The following NXPE4 variants were observed in gnomAD, a reference collection of about 807,000 sequenced individuals.
The protein encoded by NXPE4 is neurexophilin and PC-esterase domain family member 4.
A neutral mutation model predicts 33.3 loss-of-function variants in NXPE4; 42 were observed. The ratio of observed to expected loss-of-function variants is 1.26; its 90% CI spans 0.98 to 1.63. The LOEUF is 1.63. NXPE4 is among the 40% of genes most tolerant of loss of function. The pLI, the probability that NXPE4 is intolerant of heterozygous loss-of-function variation, is 0.00. For missense variants in NXPE4, 709 were observed against 647.6 expected, an observed-to-expected ratio of 1.09 and a Z score of -1.03; for synonymous variants, 253 against 234.9, an observed-to-expected ratio of 1.08 and a Z score of -0.71.
the NXPE4 span, among the ~76,000 whole-genome samples, chr11:114,639,584 G>A: frequency 6.7e-6 from 1 of 150,102 alleles, no homozygotes; most frequent in Admixed American, 6.8e-5. Flanking sequence ...GCTGTAGACT[G>A]GAGCTGTTCC....
At position 114,581,746 on chromosome 11, in the gene NXPE4, T is replaced by C. The variant is rs1949151343; in HGVS notation, c.871A>G (p.Ile291Val). 4 of 1,612,008 alleles carry C rather than the reference T, an allele frequency of 2.5e-6. No individual in the cohort carries two copies. The highest frequency in any genetic ancestry group is 1.3e-5 in the African/African-American group (1 of 74,852). ...GVEIMEKFNT[I>V]SVSKCNKETV... is the part of the protein sequence containing the mutation. ...TTACTGTTGCATTTGGAGACACTAA[T>C]TGTATTGAATTTTTCCATAATCTCT... Residue 291 changes from isoleucine to valine, a missense_variant, in exon 4 of 6, where the codon ATT becomes GTT. By Grantham distance (29) the Ile-to-Val change is conservative (BLOSUM62 3). Coordinates refer to ENST00000375478, the MANE Select transcript of NXPE4 (RefSeq NM_001077639.2).
chr11:114,576,812 T>C (rs1011417113), intron 5 of NXPE4, among the ~76,000 whole-genome samples: 5 of 151,734 alleles, frequency 3.3e-5, no homozygotes, highest in African/African-American at 4.8e-5. Flanking sequence ...AGATCTACCA[T>C]TTGATCCAGC....
chr11:114,619,895 T>C, the NXPE4 span, among the ~76,000 whole-genome samples: 1 of 149,606 alleles, frequency 6.7e-6, no homozygotes, highest in African/African-American at 2.5e-5. Flanking sequence ...AGAATTCTTA[T>C]CCTGTGGAAA....
the NXPE4 span, among the ~76,000 whole-genome samples, chr11:114,605,412 A>G: frequency 2.0e-5 from 3 of 151,952 alleles, no homozygotes; most frequent in Non-Finnish European, 4.4e-5. Context: ...CTGGTGGATA[A>G]TAAGTATTGC....
At chr11:114,627,312 G>T in the NXPE4 span, among the ~76,000 whole-genome samples, 1 of 152,124 alleles carries the variant, frequency 6.6e-6, no homozygotes, top group Non-Finnish European at 1.5e-5. Context: ...CAGACTAACA[G>T]CAGATCTCTT....
chr11:114,598,417 T>C (rs940423143), upstream of NXPE4, among the ~76,000 whole-genome samples: 1 of 152,234 alleles, frequency 6.6e-6, no homozygotes, highest in Non-Finnish European at 1.5e-5. Context: ...GTGGGGACTC[T>C]GTGTGGGGGC....
chr11:114,582,880 C>G lies in NXPE4; in HGVS notation c.238G>C (p.Asp80His). 1 of 1,614,132 alleles carries G rather than the reference C, an allele frequency of 6.2e-7. No individual in the cohort carries two copies. The highest frequency in any genetic ancestry group is 8.5e-7 in the Non-Finnish European group (1 of 1,179,988). ...AAAGGTCTGGGTGGGATCTGCTGATCTAGTTTCTCTATGATTTCCTTTATT... is the reference window on the plus strand; with the variant it reads ...AAAGGTCTGGGTGGGATCTGCTGATGTAGTTTCTCTATGATTTCCTTTATT... ...LRIKEIIEKL[D>H]QQIPPRPFTH... The change falls in exon 3 of 6, where the codon GAT (aspartate) becomes CAT (histidine). Residue 80 changes from aspartate to histidine, a missense_variant. Transcript: ENST00000375478.
Position 114,574,939 on chromosome 11 carries a change from C to G in NXPE4, c.1100-3466G>C, listed in dbSNP as rs183092394. Among the ~76,000 whole-genome samples the G allele has an allele frequency of 4.2e-4, 64 of 152,146 alleles. 1 individual carries two copies. The highest frequency in any genetic ancestry group is 7.4e-4 in the Non-Finnish European group (50 of 67,962). ...CCTTATGAACATAGATGCTAAAATC[C>G]TCACCAAAATACTAGCTAACCAAAT... is the stretch of plus-strand genomic sequence containing the variant. On this transcript the variant is annotated intron_variant, in intron 5 of 5. Coordinates refer to ENST00000375478, the MANE Select transcript of NXPE4 (RefSeq NM_001077639.2).
chr11:114,670,054 C>T, the NXPE4 span, among the ~76,000 whole-genome samples: 6 of 151,980 alleles, frequency 3.9e-5, no homozygotes, highest in African/African-American at 1.2e-4. Context: ...AGGTAGAGCC[C>T]TATAGAATTA....
At chr11:114,572,440 G>A (rs1275321314) in intron 5 of NXPE4, among the ~76,000 whole-genome samples, 1 of 152,122 alleles carries the variant, frequency 6.6e-6, no homozygotes, top group African/African-American at 2.4e-5. Context: ...CCAGAGAAAG[G>A]TGAAGTCCAA....
chr11:114,586,969 C>A (rs772100588), intron 2 of NXPE4, among the ~76,000 whole-genome samples: 23 of 152,148 alleles, frequency 1.5e-4, no homozygotes, highest in Non-Finnish European at 3.2e-4. Context: ...CCCCACACCC[C>A]CTGTGAACAT....
rs995153164 is a variant in NXPE4, at chr11:114,571,364, T to C, written c.1209A>G (p.Ile403Met). The change falls in exon 6 of 6, where the codon ATA (isoleucine) becomes ATG (methionine). Residue 403 changes from isoleucine (I) to methionine (M), a missense_variant. Ile to Met is a conservative substitution (Grantham distance 10). Transcript: ENST00000375478. ...IQWQKYCYPL[I>M]GSMTYSVKEM... ...CTTTGACTGAATAGGTCATTGATCCTATCAAGGGATAACAATATTTTTGCC... is the reference window on the plus strand; with the variant it reads ...CTTTGACTGAATAGGTCATTGATCCCATCAAGGGATAACAATATTTTTGCC... The C allele has an allele frequency of 6.2e-7, 1 of 1,614,046 alleles. No homozygotes were observed. Among genetic ancestry groups the C allele is most frequent in the Admixed American group, 1.7e-5 (1 of 60,010 alleles).
the NXPE4 span, among the ~76,000 whole-genome samples, chr11:114,636,031 G>A: frequency 2.0e-5 from 3 of 151,940 alleles, no homozygotes; most frequent in African/African-American, 7.3e-5. Flanking sequence ...AATAGTTTCA[G>A]AAGGAACGGT....
At chr11:114,589,802 G>T (rs1949400930) in intron 2 of NXPE4, among the ~76,000 whole-genome samples, 1 of 152,008 alleles carries the variant, frequency 6.6e-6, no homozygotes, top group African/African-American at 2.4e-5. Flanking sequence ...AAGATGCAGG[G>T]CCTCCTTAAA....
At chr11:114,588,409 G>T (rs1226967034) in intron 2 of NXPE4, among the ~76,000 whole-genome samples, 1 of 152,222 alleles carries the variant, frequency 6.6e-6, no homozygotes, top group East Asian at 1.9e-4. Context: ...TTTAACTCAG[G>T]TGTCTAACCT....
the NXPE4 span, among the ~76,000 whole-genome samples, chr11:114,647,202 C>T: frequency 4.6e-5 from 7 of 152,302 alleles, no homozygotes; most frequent in African/African-American, 1.7e-4. Context: ...TATTATTCAC[C>T]TTCTACATTC....
At chr11:114,629,181 C>T in the NXPE4 span, among the ~76,000 whole-genome samples, 192 of 152,164 alleles carry the variant, frequency 1.3e-3, 2 homozygotes, top group African/African-American at 4.4e-3. Context: ...ATGAGGCCAG[C>T]ATCATTCTGA....
chr11:114,596,116 C>G (rs951266352), upstream of NXPE4, among the ~76,000 whole-genome samples: 1 of 152,180 alleles, frequency 6.6e-6, no homozygotes, highest in Non-Finnish European at 1.5e-5. Context: ...GCGTTATCAT[C>G]AAGACCCAGT....
At chr11:114,623,426 A>C in the NXPE4 span, among the ~76,000 whole-genome samples, 1 of 152,124 alleles carries the variant, frequency 6.6e-6, no homozygotes, top group Admixed American at 6.5e-5. Context: ...GCTGGATAAT[A>C]AGTATTCCCT....
Sources: allele counts gnomAD v4.1 joint callset (sites outside exome capture counted in the v4.1 genomes callset), GRCh38; gene constraint gnomAD v4.1.1; transcripts MANE v1.5; gene names NCBI Gene and HGNC (gene_info 2026-07-23, HGNC 2026-07-21).